TGFBR3: variants seen among roughly 807,000 people sequenced by gnomAD.
The protein encoded by TGFBR3 is transforming growth factor beta receptor 3.
Under a neutral mutation model 87.9 loss-of-function variants are expected in TGFBR3, and 46 were observed. The ratio of observed to expected loss-of-function variants is 0.52; its 90% CI spans 0.41 to 0.67. The LOEUF (loss-of-function observed/expected upper bound fraction) is 0.67, where lower values mean the gene tolerates loss of function less well. TGFBR3 is among the 30% of genes least tolerant of loss of function. The pLI is 0.00. For synonymous variants in TGFBR3, 381 were observed against 391.6 expected (o/e 0.97, Z 0.32); for missense variants, 866 against 1,041.9 (o/e 0.83, Z 2.32).
intron 4 of TGFBR3, among the ~76,000 whole-genome samples, chr1:91,739,767 G>A (rs1055402826): frequency 6.6e-6 from 1 of 152,214 alleles, no homozygotes; most frequent in Non-Finnish European, 1.5e-5. Context: ...AAAGAAAAGA[G>A]GTTTAATTGG....
At chr1:91,834,776 T>C (rs11165587) in intron 2 of TGFBR3, among the ~76,000 whole-genome samples, 33,748 of 152,128 alleles carry the variant, frequency 0.22, 3,863 homozygotes, top group East Asian at 0.35. Flanking sequence ...CCTCCTGGGT[T>C]CAAGCCATTC....
Position 91,683,253 on chromosome 1 carries a change from CT to C in TGFBR3, c.*485del, listed in dbSNP as rs1670971993. 2 of 455,002 alleles carry C rather than the reference CT, an allele frequency of 4.4e-6. No homozygotes were observed. Among genetic ancestry groups the C allele is most frequent in the Middle Eastern group, 6.9e-4 (1 of 1,448 alleles). The allele number at this position is 455,002 out of a possible 1,614,324, so 28.2% of individuals were successfully genotyped here. ...AGGTGCAAATTAGACAGGAGGATCG[CT>C]TAGAAAGCCTCAAAGCATTTCTTGT... On this transcript the variant is annotated 3_prime_UTR_variant, in exon 17 of 17. Transcript: ENST00000212355.
chr1:91,813,605 C>T (rs1676101811), intron 2 of TGFBR3, among the ~76,000 whole-genome samples: 1 of 152,210 alleles, frequency 6.6e-6, no homozygotes, highest in Admixed American at 6.5e-5. Context: ...CCAGCAAGCA[C>T]TGTTCATAGA....
At chr1:91,696,531 T>C (rs1051543499) in intron 15 of TGFBR3, among the ~76,000 whole-genome samples, 1 of 152,208 alleles carries the variant, frequency 6.6e-6, no homozygotes, top group African/African-American at 2.4e-5. Context: ...TGTTTCTCCA[T>C]TTGGCAAAGG....
At chr1:91,778,598 C>T (rs1674654587) in intron 3 of TGFBR3, among the ~76,000 whole-genome samples, 1 of 152,116 alleles carries the variant, frequency 6.6e-6, no homozygotes, top group Non-Finnish European at 1.5e-5. Context: ...TGAGAAACTT[C>T]CATATATAGA....
In TGFBR3 at chr1:91,761,319, T is replaced by C. The variant is rs928238825; in HGVS notation, c.247-2569A>G. ...GTCAAAAGTGCTGAGGCCTGGCTCA[T>C]ACAATCAAGGGAAGATTTCTAGGAG... On this transcript the variant is annotated intron_variant, in intron 3 of 16. Coordinates refer to ENST00000212355, the MANE Select transcript of TGFBR3 (RefSeq NM_003243.5). 5.9e-5 allele frequency among the ~76,000 whole-genome samples: 9 copies of C among 152,192 alleles called. No individual in the cohort carries two copies. In the East Asian group the frequency reaches 1.7e-3, roughly 29 times the overall value.
intron 2 of TGFBR3, chr1:91,829,889 T>A (rs1239244729): frequency 6.6e-6 from 1 of 152,196 alleles, no homozygotes; most frequent in Non-Finnish European, 1.5e-5. Context: ...CCTGGCCAGT[T>A]CATCTCTCCT....
rs918227960 is a variant in TGFBR3 at position 91,683,911 on chromosome 1, G to A, written c.2438-54C>T. 9.6e-6 allele frequency: 14 copies of A among 1,458,124 alleles called. No homozygotes were observed. In the African/African-American group the frequency reaches 1.8e-4, roughly 19 times the overall value. The allele number at this position is 1,458,124 out of a possible 1,614,324, so 90.3% of individuals were successfully genotyped here. A position where few individuals can be genotyped will look rare whatever the true frequency, so the allele number is the denominator to read the frequency against. ...AGAGAAAGACGCATATTATGTATGT[G>A]CATTCCTGAAAAGATCATTTATTCC... is the stretch of plus-strand genomic sequence containing the variant. On this transcript the variant is annotated intron_variant, in intron 16 of 16. Coordinates refer to ENST00000212355, the MANE Select transcript of TGFBR3 (RefSeq NM_003243.5).
chr1:91,863,283 C>T (rs1028590270), intron 1 of TGFBR3, among the ~76,000 whole-genome samples: 4 of 152,084 alleles, frequency 2.6e-5, no homozygotes, highest in Non-Finnish European at 4.4e-5. Flanking sequence ...TCTTGATATA[C>T]GATAGTGATT....
At chr1:91,833,289 C>T (rs954370280) in intron 2 of TGFBR3, among the ~76,000 whole-genome samples, 1 of 88,660 alleles carries the variant, frequency 1.1e-5, no homozygotes, top group Non-Finnish European at 2.0e-5. Context: ...GTAGGAGACT[C>T]CGACTCAAAA....
chr1:91,887,481 G>C (rs2101322175), upstream of TGFBR3, among the ~76,000 whole-genome samples: 1 of 152,070 alleles, frequency 6.6e-6, no homozygotes, highest in East Asian at 1.9e-4. Flanking sequence ...GCCCAGGCTG[G>C]TCTCAAACTC....
intron 2 of TGFBR3, among the ~76,000 whole-genome samples, chr1:91,839,215 C>A (rs2101109979): frequency 6.6e-6 from 1 of 152,248 alleles, no homozygotes; most frequent in Non-Finnish European, 1.5e-5. Flanking sequence ...TGGGCTCAAA[C>A]AATCTTCCCA....
intron 7 of TGFBR3, among the ~76,000 whole-genome samples, chr1:91,723,600 T>C (rs1319460929): frequency 6.6e-6 from 1 of 152,026 alleles, no homozygotes; most frequent in Non-Finnish European, 1.5e-5. Context: ...AACCAGGTTA[T>C]TCAACAAGGA....
chr1:91,729,836 C>T lies in TGFBR3; in HGVS notation c.706G>A (p.Glu236Lys), dbSNP rs373881895. Residue 236 changes from glutamate to lysine, a missense_variant, in exon 6 of 17, where the codon GAG becomes AAG. Coordinates refer to ENST00000212355, the MANE Select transcript of TGFBR3 (RefSeq NM_003243.5). ...QPQNEEVHII[E>K]LITPNSNPYS... ...GGGTTAGAGTTGGGGGTGATTAGCT[C>T]GATGATGTGTACTTCCTCATTCTGG... 4 of 1,614,016 alleles carry T rather than the reference C, an allele frequency of 2.5e-6. No homozygotes were observed. Among genetic ancestry groups the T allele is most frequent in the Non-Finnish European group, 3.4e-6 (4 of 1,180,022 alleles).
At chr1:91,901,888 C>G (rs1177379296) in intron 1 of TGFBR3, among the ~76,000 whole-genome samples, 1 of 151,480 alleles carries the variant, frequency 6.6e-6, no homozygotes, top group Non-Finnish European at 1.5e-5. Flanking sequence ...ACCACTCCAG[C>G]CTGGGCAACA....
At chr1:91,868,236 A>G (rs72971027) in intron 1 of TGFBR3, among the ~76,000 whole-genome samples, 3,222 of 152,296 alleles carry the variant, frequency 0.021, 112 homozygotes, top group African/African-American at 0.074. Context: ...TCTATTTTAA[A>G]TAAATAATAG....
chr1:91,723,480 TAAA>T (rs58578681), intron 7 of TGFBR3, among the ~76,000 whole-genome samples: 7 of 109,130 alleles, frequency 6.4e-5, no homozygotes, highest in East Asian at 2.7e-4. Flanking sequence ...GACCCTGCCT[TAAA>T]AAAAAAAAAA....
intron 2 of TGFBR3, among the ~76,000 whole-genome samples, chr1:91,893,689 T>G (rs1679491954): frequency 8.3e-6 from 1 of 121,002 alleles, no homozygotes; most frequent in South Asian, 2.6e-4. Context: ...TTTTATCCTG[T>G]TTTTTTTTTC....
At chr1:91,778,580 ATAAT>A (rs1233046002) in intron 3 of TGFBR3, among the ~76,000 whole-genome samples, 3 of 152,358 alleles carry the variant, frequency 2.0e-5, no homozygotes, top group Admixed American at 2.0e-4. Flanking sequence ...TTCAAAAAAT[ATAAT>A]TAATGAGAAA....
Sources: gnomAD v4.1 joint callset for allele counts (sites outside exome capture counted in the v4.1 genomes callset) on GRCh38, gnomAD v4.1.1 for gene constraint, MANE v1.5 for transcripts, NCBI Gene and HGNC (gene_info 2026-07-23, HGNC 2026-07-21) for gene names.